The following ERC2 variants were observed in gnomAD, a reference collection of about 807,000 sequenced individuals.
ERC2 encodes the protein ERC protein 2.
Under a neutral mutation model 114.8 loss-of-function variants are expected in ERC2, and 42 were observed. The ratio of observed to expected loss-of-function variants is 0.37; its 90% CI spans 0.29 to 0.47. ERC2 has a LOEUF of 0.47. Among genes scored for constraint, ERC2 ranks in the 20% least tolerant of loss-of-function variants. The pLI, the probability that ERC2 is intolerant of heterozygous loss-of-function variation, is 0.99. For synonymous variants in ERC2, 454 were observed against 425.5 expected (o/e 1.07, Z -0.82); for missense variants, 939 against 1,150.7 (o/e 0.82, Z 2.66).
At chr3:55,539,294 C>T (rs2054207653) in intron 17 of ERC2, among the ~76,000 whole-genome samples, 1 of 152,006 alleles carries the variant, frequency 6.6e-6, no homozygotes, top group Non-Finnish European at 1.5e-5. Context: ...TGAACAAATC[C>T]ACTTGGTCAA....
chr3:56,281,101 T>G (rs2054306661), intron 3 of ERC2, among the ~76,000 whole-genome samples: 1 of 152,224 alleles, frequency 6.6e-6, no homozygotes, highest in South Asian at 2.1e-4. Context: ...CCCAGTCATT[T>G]TCTAAATGTA....
intron 4 of ERC2, among the ~76,000 whole-genome samples, chr3:56,170,063 A>G (rs2082551240): frequency 6.6e-6 from 1 of 152,234 alleles, no homozygotes; most frequent in Admixed American, 6.5e-5. Flanking sequence ...GAGCACTGCA[A>G]TATCTACAAG....
At chr3:56,337,026 T>C (rs2057883315) in intron 2 of ERC2, among the ~76,000 whole-genome samples, 1 of 152,190 alleles carries the variant, frequency 6.6e-6, no homozygotes, top group Admixed American at 6.5e-5. Context: ...GAGGTATAGT[T>C]GAGACATGGT....
chr3:55,556,769 G>T (rs1575576281), intron 17 of ERC2, among the ~76,000 whole-genome samples: 1 of 152,306 alleles, frequency 6.6e-6, no homozygotes, highest in Admixed American at 6.5e-5. Flanking sequence ...ATGCATGAAG[G>T]CGGGTCTCAA....
chr3:56,001,113 A>T (rs1421731736), intron 10 of ERC2, among the ~76,000 whole-genome samples: 1 of 151,802 alleles, frequency 6.6e-6, no homozygotes, highest in Admixed American at 6.6e-5. Context: ...AGAGTGAGAG[A>T]AGGAAAGGAG....
chr3:55,734,968 A>T (rs140962855), intron 14 of ERC2, 50 bp from the exon 15 acceptor site: 2 of 1,462,058 alleles, frequency 1.4e-6, no homozygotes, highest in Middle Eastern at 1.8e-4. Flanking sequence ...AAAAAAAAAA[A>T]CAAACAATTG....
chr3:56,081,876 T>C (rs1005485850), intron 6 of ERC2, among the ~76,000 whole-genome samples: 8 of 152,164 alleles, frequency 5.3e-5, no homozygotes, highest in Non-Finnish European at 8.8e-5. Flanking sequence ...TTTTTTGATA[T>C]ACAACACCAT....
Position 56,464,078 on chromosome 3 carries a change from G to A in ERC2, c.-141+4170C>T, listed in dbSNP as rs533295585. On this transcript the variant is annotated intron_variant, in intron 1 of 17. Transcript: ENST00000288221. ...ACCAGGTTTATATGTCACGCAGCTA[G>A]CAATGGGAGTGAGGGGATGAAAATT... is the stretch of plus-strand genomic sequence containing the variant. Among the ~76,000 whole-genome samples the A allele has an allele frequency of 6.6e-5, 10 of 152,306 alleles. No homozygotes were observed. In the East Asian group the frequency reaches 1.9e-3, roughly 29 times the overall value.
At chr3:56,228,914 G>T (rs1266859962) in intron 3 of ERC2, among the ~76,000 whole-genome samples, 2 of 152,240 alleles carry the variant, frequency 1.3e-5, no homozygotes, top group Non-Finnish European at 2.9e-5. Flanking sequence ...GGATGGGGTA[G>T]GGCAGGGAGG....
intron 17 of ERC2, among the ~76,000 whole-genome samples, chr3:55,519,104 G>GC (rs2052728098): frequency 6.6e-6 from 1 of 152,150 alleles, no homozygotes; most frequent in Non-Finnish European, 1.5e-5. Flanking sequence ...GGGTAGCGCC[G>GC]GTACCTCTGC....
intron 14 of ERC2, among the ~76,000 whole-genome samples, chr3:55,746,780 A>G (rs2201516): frequency 0.22 from 33,143 of 152,114 alleles, 4,140 homozygotes; most frequent in Admixed American, 0.31. Context: ...ACAGATTCCC[A>G]TCTGTTTATC....
intron 2 of ERC2, among the ~76,000 whole-genome samples, chr3:56,359,041 T>G (rs4974206): frequency 0.3 from 46,136 of 152,100 alleles, 7,147 homozygotes; most frequent in Admixed American, 0.32. Context: ...GCTAACTCAG[T>G]TGACAGAAAT....
chr3:55,747,847 C>T (rs141620265), intron 14 of ERC2, among the ~76,000 whole-genome samples: 10 of 152,330 alleles, frequency 6.6e-5, no homozygotes, highest in South Asian at 2.1e-4. Context: ...TGCTAAGCAA[C>T]GGTTCAAAAG....
chr3:56,353,707 T>C (rs956677427), intron 2 of ERC2, among the ~76,000 whole-genome samples: 8 of 149,638 alleles, frequency 5.3e-5, no homozygotes. Flanking sequence ...CTAATGTAAA[T>C]GATGAGTTAA....
chr3:55,992,108 T>A lies in ERC2; in HGVS notation c.2204A>T (p.Glu735Val). Residue 735 changes from glutamate (E) to valine (V), a missense_variant, in exon 11 of 18, where the codon GAG (glutamate) becomes GTG (valine). By Grantham distance (121) the Glu-to-Val change is moderately radical. Coordinates refer to ENST00000288221, the MANE Select transcript of ERC2 (RefSeq NM_015576.3). ...CTTGTCATTCTTCTCATTCTCCACC[T>A]CCTTGAGGATCTCCAGCAACCGGTC... Reference protein sequence around the residue: ...EVDRLLEILKEVENEKNDKDK... With the variant: ...EVDRLLEILKVVENEKNDKDK... 1 of 1,613,940 alleles carries A rather than the reference T, an allele frequency of 6.2e-7. No homozygotes were observed. The highest frequency in any genetic ancestry group is 1.1e-5 in the South Asian group (1 of 91,076).
chr3:56,012,989 G>A (rs950021241), intron 8 of ERC2, among the ~76,000 whole-genome samples: 9 of 152,152 alleles, frequency 5.9e-5, no homozygotes, highest in Non-Finnish European at 1.2e-4. Context: ...AATTACAGTG[G>A]CCTCCAGCTC....
In ERC2 at chr3:55,604,513, C is replaced by T. The variant is rs181118652; in HGVS notation, c.*39+79281G>A. ...ATGTTCCTGCTGACACTACACTCAGCAGGCATGTCTGAGGATGAGAAAGAA... is the reference window on the plus strand; with the variant it reads ...ATGTTCCTGCTGACACTACACTCAGTAGGCATGTCTGAGGATGAGAAAGAA... On this transcript the variant is annotated intron_variant, in intron 17 of 17. Transcript: ENST00000288221. 3.0e-3 allele frequency among the ~76,000 whole-genome samples: 464 copies of T among 152,248 alleles called. 3 individuals carry two copies. The highest frequency in any genetic ancestry group is 0.01 in the African/African-American group (430 of 41,538).
intron 17 of ERC2, among the ~76,000 whole-genome samples, chr3:55,663,170 A>G (rs181274847): frequency 6.6e-6 from 1 of 152,358 alleles, no homozygotes; most frequent in East Asian, 1.9e-4. Context: ...GGCAAGTAAG[A>G]TTTGGAATTA....
intron 2 of ERC2, among the ~76,000 whole-genome samples, chr3:56,398,053 A>T (rs2060379212): frequency 1.3e-5 from 2 of 152,224 alleles, no homozygotes; most frequent in Non-Finnish European, 2.9e-5. Context: ...AAGGCTGGGA[A>T]ATGTAGTCTT....
Sources: allele counts gnomAD v4.1 joint callset (sites outside exome capture counted in the v4.1 genomes callset), GRCh38; gene constraint gnomAD v4.1.1; transcripts MANE v1.5; gene names NCBI Gene and HGNC (gene_info 2026-07-23, HGNC 2026-07-21).